Variants in ITGAE observed in about 807,000 individuals in gnomAD.
ITGAE encodes the protein integrin alpha-E.
ITGAE carries 99 observed loss-of-function variants against 136.5 expected under a neutral mutation model. That is an observed-to-expected ratio of 0.73 (90% CI 0.62 to 0.86). The LOEUF is 0.86. Among genes scored for constraint, ITGAE ranks in the 40% least tolerant of loss-of-function variants. ITGAE has a pLI of 0.00. For missense variants in ITGAE, 1,447 were observed against 1,515.3 expected, an observed-to-expected ratio of 0.95 and a Z score of 0.75; for synonymous variants, 613 against 591.8, an observed-to-expected ratio of 1.04 and a Z score of -0.52.
At position 3,763,920 on chromosome 17, in the gene ITGAE, G is replaced by T. The variant is rs758842282; in HGVS notation, c.196C>A (p.Pro66Thr). 2.5e-6 allele frequency: 4 copies of T among 1,613,684 alleles called. No homozygotes were observed. Among genetic ancestry groups the T allele is most frequent in the Middle Eastern group, 1.6e-4 (1 of 6,082 alleles). Residue 66 changes from proline (P) to threonine (T), a missense_variant, in exon 3 of 31, where the codon CCC becomes ACC. By Grantham distance (38) the Pro-to-Thr change is conservative. This residue lies in a region of ITGAE where 106 missense variants were observed against 87.8 expected (regional missense o/e 1.21). Transcript: ENST00000263087. ...TGGACAAGGGAACATCGATGGAGGG[G>T]CCCTGGTGTCCTCTTGGTTCTGGGG... The part of the protein sequence containing the change: ...TSPRTKRTPG[P>T]LHRCSLVQDE...
intron 12 of ITGAE, 53 bp downstream of exon 12, chr17:3,755,064 A>AGACCCCGCCCTCATCAGGT (rs2051977997): frequency 2.7e-6 from 2 of 751,262 alleles, no homozygotes; most frequent in East Asian, 8.0e-5. Context: ...GGGAGCCTCC[A>AGACCCCGCCCTCATCAGGT]GGCCCCGCCC....
intron 18 of ITGAE, 46 bp downstream of exon 18, chr17:3,745,718 A>G: frequency 6.3e-7 from 1 of 1,585,594 alleles, no homozygotes; most frequent in East Asian, 2.2e-5. Context: ...ATCCTTTCTC[A>G]ATGACAAAGA....
intron 15 of ITGAE, among the ~76,000 whole-genome samples, 197 bp downstream of exon 15, chr17:3,751,453 C>G (rs973211868): frequency 2.6e-5 from 4 of 151,710 alleles, no homozygotes; most frequent in East Asian, 1.9e-4. Flanking sequence ...GAACCTCCCC[C>G]CAACCTGAAG....
At chr17:3,775,034 C>T (rs1014970341) in intron 2 of ITGAE, among the ~76,000 whole-genome samples, 15 of 151,864 alleles carry the variant, frequency 9.9e-5, no homozygotes, top group African/African-American at 3.6e-4. Flanking sequence ...TCGACTCACC[C>T]GCCCCCGGGC....
intron 1 of ITGAE, among the ~76,000 whole-genome samples, chr17:3,785,496 G>GAAGGA (rs549502369): frequency 9.3e-6 from 1 of 107,700 alleles, no homozygotes. Context: ...AGGAAGGAAG[G>GAAGGA]AGGAAGGAAG....
At chr17:3,724,278 C>G (rs1271438702) in intron 26 of ITGAE, 1 of 1,589,250 alleles carries the variant, frequency 6.3e-7, no homozygotes, top group Admixed American at 1.7e-5. Flanking sequence ...GACCCCAAGA[C>G]GCCTGGGGCT....
chr17:3,793,933 G>A lies in ITGAE; in HGVS notation c.34+7178C>T, dbSNP rs953775750. Among the ~76,000 whole-genome samples, 19 of 149,038 alleles carry A rather than the reference G, an allele frequency of 1.3e-4. 1 individual carries two copies. Among genetic ancestry groups the A allele is most frequent in the Admixed American group, 1.1e-3 (16 of 14,966 alleles). ...AAAATCCTCCCCTTGCCTGATTGAAGTGCTCTGTCCTCAGCCTGTCTCCTG... is the reference window on the plus strand; with the variant it reads ...AAAATCCTCCCCTTGCCTGATTGAAATGCTCTGTCCTCAGCCTGTCTCCTG... On this transcript the variant is annotated intron_variant, in intron 1 of 30. Transcript: ENST00000263087.
intron 1 of ITGAE, 132 bp from the exon 2 acceptor site, chr17:3,777,792 G>T: frequency 1.9e-6 from 2 of 1,065,488 alleles, no homozygotes; most frequent in Non-Finnish European, 2.6e-6. Context: ...ATGTGTGTGT[G>T]AGAGAGAAAG....
At chr17:3,800,572 C>A (rs116690878) in intron 1 of ITGAE, among the ~76,000 whole-genome samples, 4,593 of 152,184 alleles carry the variant, frequency 0.03, 228 homozygotes, top group African/African-American at 0.1. Context: ...TGCCTCCCCC[C>A]ACCCCACATT....
At position 3,761,187 on chromosome 17, in the gene ITGAE, C is replaced by T; in HGVS notation, c.434-10G>A. The T allele has an allele frequency of 7.0e-7, 1 of 1,423,878 alleles. No individual in the cohort carries two copies. Among genetic ancestry groups the T allele is most frequent in the Non-Finnish European group, 9.8e-7 (1 of 1,019,372 alleles). 88.2% of individuals were successfully genotyped at this position (1,423,878 alleles called of 1,614,324 possible). On this transcript the variant is annotated splice_polypyrimidine_tract_variant and intron_variant, in intron 5 of 30. Transcript: ENST00000263087. ...GGATCCAGGAGATTTTCTTTAAAAACACACATGGAAGAGCTCAGAGTCAGA... is the reference window on the plus strand; with the variant it reads ...GGATCCAGGAGATTTTCTTTAAAAATACACATGGAAGAGCTCAGAGTCAGA...
At chr17:3,732,297 G>A (rs917683875) in intron 22 of ITGAE, 71 bp downstream of exon 22, 5 of 1,143,554 alleles carry the variant, frequency 4.4e-6, no homozygotes, top group African/African-American at 1.5e-5. Flanking sequence ...GAGAGATTGA[G>A]ATGAGACCAA....
intron 26 of ITGAE, chr17:3,724,273 C>A: frequency 6.3e-7 from 1 of 1,590,088 alleles, no homozygotes. Context: ...ACCGTGACCC[C>A]AAGACGCCTG....
rs375779589 is a variant in ITGAE, at chr17:3,760,914, C to A, written c.598+99G>T. 1.1e-5 allele frequency: 16 copies of A among 1,482,236 alleles called. No homozygotes were observed. In the South Asian group the frequency reaches 2.0e-4, roughly 19 times the overall value. 91.8% of individuals were successfully genotyped at this position (1,482,236 alleles called of 1,614,324 possible). A position where few individuals can be genotyped will look rare whatever the true frequency, so the allele number is the denominator to read the frequency against. ...AGGTCTGTAAAGTCCAGCCACTGCT[C>A]CCCATCTCTCAGACTGAGGCACCCC... On this transcript the variant is annotated intron_variant, in intron 6 of 30. Coordinates refer to ENST00000263087, the MANE Select transcript of ITGAE (RefSeq NM_002208.5).
At chr17:3,773,144 G>C (rs2052465823) in intron 2 of ITGAE, among the ~76,000 whole-genome samples, 1 of 152,168 alleles carries the variant, frequency 6.6e-6, no homozygotes, top group African/African-American at 2.4e-5. Context: ...TAATTTGCTA[G>C]AGTGGCTCAG....
chr17:3,734,125 C>T (rs4790158), intron 21 of ITGAE, among the ~76,000 whole-genome samples: 114,268 of 152,112 alleles, frequency 0.75, 45,770 homozygotes, highest in Non-Finnish European at 0.91. Context: ...GGCTGGAGTG[C>T]AGTGGCGCAA....
chr17:3,768,646 C>A (rs1168282434), intron 2 of ITGAE, among the ~76,000 whole-genome samples: 1 of 152,222 alleles, frequency 6.6e-6, no homozygotes. Flanking sequence ...CCTTCCCCAG[C>A]CTCGCCTGTC....
chr17:3,769,535 C>T (rs890170434), intron 2 of ITGAE, among the ~76,000 whole-genome samples: 1 of 152,220 alleles, frequency 6.6e-6, no homozygotes, highest in Non-Finnish European at 1.5e-5. Context: ...TTGTTGACCA[C>T]GTGGCTGACA....
intron 30 of ITGAE, among the ~76,000 whole-genome samples, chr17:3,715,548 T>G (rs964619076): frequency 1.3e-5 from 2 of 152,074 alleles, no homozygotes; most frequent in Non-Finnish European, 2.9e-5. Flanking sequence ...ATTTAGGGAA[T>G]AGTTTGACTT....
At chr17:3,769,437 C>G (rs1163700356) in intron 2 of ITGAE, among the ~76,000 whole-genome samples, 2 of 152,058 alleles carry the variant, frequency 1.3e-5, no homozygotes, top group Admixed American at 6.6e-5. Context: ...CCATTCATGC[C>G]GCCATCATGC....
Sources: gnomAD v4.1 joint callset for allele counts (sites outside exome capture counted in the v4.1 genomes callset) on GRCh38, gnomAD v4.1.1 for gene constraint, gnomAD v4.1.1 regional missense constraint, MANE v1.5 for transcripts, NCBI Gene and HGNC (gene_info 2026-07-23, HGNC 2026-07-21) for gene names.